CCDC78: variants seen among roughly 807,000 people sequenced by gnomAD.
The protein encoded by CCDC78 is coiled-coil domain-containing protein 78.
CCDC78 carries 78 observed loss-of-function variants against 61.9 expected under a neutral mutation model. The observed-to-expected ratio is 1.26, with a 90% CI of 1.05 to 1.52. CCDC78 has a LOEUF of 1.52. CCDC78 is among the 40% of genes most tolerant of loss of function. CCDC78 has a pLI of 0.00. For missense variants in CCDC78, 737 were observed against 615.5 expected (o/e 1.20, Z -2.09); for synonymous variants, 287 against 251.9 (o/e 1.14, Z -1.32).
At position 722,619 on chromosome 16, in the gene CCDC78, G is replaced by A; in HGVS notation, c.*59C>T. 1 of 1,578,642 alleles carries A rather than the reference G, an allele frequency of 6.3e-7. No homozygotes were observed. Among genetic ancestry groups the A allele is most frequent in the South Asian group, 1.1e-5 (1 of 90,212 alleles). ...TGACTCATGTTTTATGGGGGGCTGG[G>A]TGGGAGGGTTCTGTGCTGGCTGAGG... On this transcript the variant is annotated 3_prime_UTR_variant, in exon 14 of 14. Transcript: ENST00000345165.
In CCDC78 at chr16:725,756, T is replaced by C. The variant is rs759408736; in HGVS notation, c.267+38A>G. ...ACGTGTCCTGGGCCTGCACCCCCCG[T>C]CCCCCATGCACTGAGGCTGGTTCAC... On this transcript the variant is annotated intron_variant, in intron 3 of 13. Transcript: ENST00000345165. 3.8e-6 allele frequency: 6 copies of C among 1,584,598 alleles called. No homozygotes were observed. In the South Asian group the frequency reaches 6.8e-5, roughly 18 times the overall value.
At chr16:726,749 G>A, upstream of CCDC78, 1 of 326,386 alleles carries the variant, frequency 3.1e-6, no homozygotes. Context: ...ACCTAGCAGT[G>A]CTGGCTGAGC....
At chr16:723,246 C>T in intron 11 of CCDC78, 85 bp from the exon 12 acceptor site, 2 of 1,450,916 alleles carry the variant, frequency 1.4e-6, no homozygotes, top group South Asian at 1.2e-5. Context: ...AGTCAGGTTC[C>T]CAGAGCCGGG....
At chr16:724,596 G>A (rs1484617249) in intron 8 of CCDC78, 85 bp downstream of exon 8, 2 of 1,562,734 alleles carry the variant, frequency 1.3e-6, no homozygotes, top group Non-Finnish European at 1.7e-6. Flanking sequence ...GCAGTGCCGG[G>A]GCCCTGGGGT....
chr16:722,660 T>TGCTCC lies in CCDC78; in HGVS notation c.*13_*17dup. On this transcript the variant is annotated 3_prime_UTR_variant, in exon 14 of 14. Coordinates refer to ENST00000345165, the MANE Select transcript of CCDC78 (RefSeq NM_001378030.1). ...CTGGCTGAGGAGCTCTGCTCTGCTC[T>TGCTCC]GCTCCTTGGGAGACGGCCTAGTGGC... 6.2e-7 allele frequency: 1 copy of TGCTCC among 1,602,558 alleles called. No homozygotes were observed. Among genetic ancestry groups the TGCTCC allele is most frequent in the Non-Finnish European group, 8.5e-7 (1 of 1,179,138 alleles).
In CCDC78 at chr16:724,127, G is replaced by A; in HGVS notation, c.1032C>T (p.Asp344=). The change falls in exon 10 of 14, where the codon GAC becomes GAT. Residue 344 remains aspartate (D), a synonymous_variant. Coordinates refer to ENST00000345165, the MANE Select transcript of CCDC78 (RefSeq NM_001378030.1). ...LEPLPVPLVT[D]FSHREDQHGG... Reference sequence around the variant, plus strand: ...TCACCTGGTCCTCCCGATGGCTGAAGTCAGTGACCAGGGGCACGGGCAATG... The same window carrying A: ...TCACCTGGTCCTCCCGATGGCTGAAATCAGTGACCAGGGGCACGGGCAATG... 6.2e-7 allele frequency: 1 copy of A among 1,600,926 alleles called. No individual in the cohort carries two copies. Among genetic ancestry groups the A allele is most frequent in the Non-Finnish European group, 8.5e-7 (1 of 1,173,938 alleles).
chr16:725,886 G>A lies in CCDC78; in HGVS notation c.181-6C>T, dbSNP rs1370217545. The A allele has an allele frequency of 1.2e-6, 2 of 1,607,550 alleles. No individual in the cohort carries two copies. The highest frequency in any genetic ancestry group is 1.7e-5 in the Admixed American group (1 of 59,380). ...TCGACCAGCTCCTTGGAGATCTGTG[G>A]GTGGCCAGGTGAGAGGTGGCGTCTG... On this transcript the variant is annotated splice_region_variant and splice_polypyrimidine_tract_variant and intron_variant, in intron 2 of 13. Coordinates refer to ENST00000345165, the MANE Select transcript of CCDC78 (RefSeq NM_001378030.1).
chr16:724,274 C>A, intron 9 of CCDC78, 48 bp downstream of exon 9: 1 of 1,597,006 alleles, frequency 6.3e-7, no homozygotes, highest in South Asian at 1.1e-5. Context: ...GGCACAGAGG[C>A]TTAGAGACCC....
rs1462660693 is a variant in CCDC78, at chr16:723,909, A to C, written c.1081T>G (p.Ser361Ala). 6.2e-7 allele frequency: 1 copy of C among 1,601,258 alleles called. No homozygotes were observed. The highest frequency in any genetic ancestry group is 1.1e-5 in the South Asian group (1 of 89,260). ...QHGGPGALLS[S>A]PKKRPGGASQ... ...GCTCCACCGGGTCTCTTTTTTGGGG[A>C]TGAGAGCAGTGCCCCAGGCCCGCCG... is the stretch of plus-strand genomic sequence containing the variant. Residue 361 changes from serine (S) to alanine (A), a missense_variant, in exon 11 of 14, where the codon TCC becomes GCC. Physicochemically the swap from Ser to Ala is moderately conservative, Grantham distance 99. Transcript: ENST00000345165.
chr16:726,448 C>T (rs774680038), upstream of CCDC78: 1 of 1,475,148 alleles, frequency 6.8e-7, no homozygotes, highest in South Asian at 1.3e-5. Flanking sequence ...GCCACTGGCA[C>T]TGCTAAGTGC....
intron 1 of CCDC78, 50 bp downstream of exon 1, chr16:726,258 C>T (rs779735432): frequency 2.6e-6 from 4 of 1,549,374 alleles, no homozygotes; most frequent in Non-Finnish European, 3.5e-6. Context: ...TTTGGGGGAA[C>T]GGGCAGACTT....
In CCDC78 at chr16:725,863, G is replaced by C; in HGVS notation, c.198C>G (p.Val66=). The change falls in exon 3 of 14, where the codon GTC becomes GTG. Residue 66 remains valine (V), a synonymous_variant. Coordinates refer to ENST00000345165, the MANE Select transcript of CCDC78 (RefSeq NM_001378030.1). ...GGTGGTGGGTTGTGATCTGAATGTC[G>C]ACCAGCTCCTTGGAGATCTGTGGGT... ...EQQLQISKEL[V]DIQITTHHLH... 1.9e-6 allele frequency: 3 copies of C among 1,610,950 alleles called. No individual in the cohort carries two copies. Among genetic ancestry groups the C allele is most frequent in the Non-Finnish European group, 1.7e-6 (2 of 1,178,706 alleles).
At chr16:722,875 C>T in intron 13 of CCDC78, 47 bp downstream of exon 13, 1 of 1,609,784 alleles carries the variant, frequency 6.2e-7, no homozygotes, top group Admixed American at 1.7e-5. Flanking sequence ...ATCCTTCATT[C>T]CAACCAGACC....
Position 725,100 on chromosome 16 carries a change from G to C in CCDC78, c.538C>G (p.Gln180Glu), listed in dbSNP as rs139410081. The C allele has an allele frequency of 6.2e-7, 1 of 1,612,666 alleles. No homozygotes were observed. The highest frequency in any genetic ancestry group is 1.3e-5 in the African/African-American group (1 of 74,930). Residue 180 changes from glutamine to glutamate, a missense_variant, in exon 6 of 14, where the codon CAG becomes GAG. Physicochemically the swap from Gln to Glu is conservative, Grantham distance 29. Coordinates refer to ENST00000345165, the MANE Select transcript of CCDC78 (RefSeq NM_001378030.1). ...CACACACGCGTCACCAGTGCCTGCTGCCGGGCCTCCTGATGCTCCAGCGCC... is the reference window on the plus strand; with the variant it reads ...CACACACGCGTCACCAGTGCCTGCTCCCGGGCCTCCTGATGCTCCAGCGCC... ...KWALEHQEAR[Q>E]QALVTRVATL...
intron 3 of CCDC78, 35 bp downstream of exon 3, chr16:725,759 C>A: frequency 1.3e-6 from 2 of 1,586,884 alleles, no homozygotes; most frequent in East Asian, 2.3e-5. Context: ...CCCCCCGTCC[C>A]CCATGCACTG....
Position 725,596 on chromosome 16 carries a change from C to T in CCDC78, c.268-16G>A. The T allele has an allele frequency of 6.2e-7, 1 of 1,602,698 alleles. No homozygotes were observed. On this transcript the variant is annotated splice_polypyrimidine_tract_variant and intron_variant, in intron 3 of 13. Coordinates refer to ENST00000345165, the MANE Select transcript of CCDC78 (RefSeq NM_001378030.1). ...GCCGAAGGATCTGTGGGACAACTGG[C>T]ATGAGCAGGTGCACCTGCCCGCGGG...
In CCDC78 at chr16:725,788, G is replaced by A. The variant is rs780219134; in HGVS notation, c.267+6C>T. On this transcript the variant is annotated splice_donor_region_variant and intron_variant, in intron 3 of 13. Coordinates refer to ENST00000345165, the MANE Select transcript of CCDC78 (RefSeq NM_001378030.1). ...TGCACTGAGGCTGGTTCACACGGCT[G>A]CTCACCTCACTCTTCAGCTGGAAGA... 6.2e-7 allele frequency: 1 copy of A among 1,602,910 alleles called. No homozygotes were observed. Among genetic ancestry groups the A allele is most frequent in the Non-Finnish European group, 8.5e-7 (1 of 1,174,404 alleles).
chr16:722,824 A>G lies in CCDC78; in HGVS notation c.1302-35T>C, dbSNP rs1323126460. 2.5e-6 allele frequency: 4 copies of G among 1,610,968 alleles called. No homozygotes were observed. The East Asian group carries it at 8.9e-5, about 36-fold the overall frequency. ...GGAACCATGCTTAAGTGACTTGCCC[A>G]GCTGTGGACAGGTCTGCTTTTAGCG... On this transcript the variant is annotated intron_variant, in intron 13 of 13. Coordinates refer to ENST00000345165, the MANE Select transcript of CCDC78 (RefSeq NM_001378030.1).
rs200482808 is a variant in CCDC78 at position 723,929 on chromosome 16, C to G, written c.1061G>C (p.Gly354Ala). ...TGGGGATGAGAGCAGTGCCCCAGGCCCGCCGTGCTACAGAGGTTTGTGGTG... is the reference window on the plus strand; with the variant it reads ...TGGGGATGAGAGCAGTGCCCCAGGCGCGCCGTGCTACAGAGGTTTGTGGTG... ...DFSHREDQHG[G>A]PGALLSSPKK... The change falls in exon 11 of 14, where the codon GGG (glycine) becomes GCG (alanine). Residue 354 changes from glycine (G) to alanine (A), a missense_variant. Transcript: ENST00000345165. 6.2e-7 allele frequency: 1 copy of G among 1,601,806 alleles called. No individual in the cohort carries two copies. Among genetic ancestry groups the G allele is most frequent in the Non-Finnish European group, 8.5e-7 (1 of 1,174,078 alleles).
Sources: allele counts gnomAD v4.1 joint callset, GRCh38; gene constraint gnomAD v4.1.1; transcripts MANE v1.5; gene names NCBI Gene and HGNC (gene_info 2026-07-23, HGNC 2026-07-21).